GATAD2A: variants seen among roughly 807,000 people sequenced by gnomAD.
GATAD2A encodes transcriptional repressor p66-alpha.
A neutral mutation model predicts 68.5 loss-of-function variants in GATAD2A; 12 were observed. The ratio of observed to expected loss-of-function variants is 0.18; its 90% CI spans 0.11 to 0.28. The LOEUF is 0.28. GATAD2A is among the 10% of genes least tolerant of loss of function. The pLI, the probability that GATAD2A is intolerant of heterozygous loss-of-function variation, is 1.00. For synonymous variants in GATAD2A, 410 were observed against 375.3 expected (o/e 1.09, Z -1.07); for missense variants, 755 against 868.5 (o/e 0.87, Z 1.64).
At chr19:19,473,631 G>A (rs1041234782) in intron 2 of GATAD2A, among the ~76,000 whole-genome samples, 6 of 152,052 alleles carry the variant, frequency 3.9e-5, no homozygotes, top group African/African-American at 1.2e-4. Context: ...GTGAGCATGC[G>A]TGCCCATCAT....
At chr19:19,484,623 C>G (rs549050382) in intron 2 of GATAD2A, among the ~76,000 whole-genome samples, 1 of 151,062 alleles carries the variant, frequency 6.6e-6, no homozygotes, top group Non-Finnish European at 1.5e-5. Flanking sequence ...GGCTCTGCCC[C>G]CCGGGGTTCA....
intron 4 of GATAD2A, among the ~76,000 whole-genome samples, chr19:19,493,550 G>A (rs1056778229): frequency 6.6e-6 from 1 of 152,204 alleles, no homozygotes; most frequent in Non-Finnish European, 1.5e-5. Flanking sequence ...GCGAGGTTAA[G>A]TTTATTTTGT....
intron 1 of GATAD2A, among the ~76,000 whole-genome samples, chr19:19,446,462 A>G (rs1600146613): frequency 6.8e-6 from 1 of 147,390 alleles, no homozygotes; most frequent in African/African-American, 2.5e-5. Context: ...ATTTGCTATA[A>G]TTTTTTCCCA....
intron 4 of GATAD2A, among the ~76,000 whole-genome samples, chr19:19,493,956 C>T (rs1019276905): frequency 2.0e-5 from 3 of 152,102 alleles, no homozygotes; most frequent in Non-Finnish European, 4.4e-5. Flanking sequence ...GGCCATGGGT[C>T]CTTTGCCTCA....
chr19:19,463,301 G>A (rs1600196211), intron 1 of GATAD2A, among the ~76,000 whole-genome samples: 1 of 152,346 alleles, frequency 6.6e-6, no homozygotes, highest in African/African-American at 2.4e-5. Context: ...TGGGAGGCAA[G>A]ACAGACAACC....
At chr19:19,390,124 C>T (rs765167187) in intron 1 of GATAD2A, among the ~76,000 whole-genome samples, 4 of 152,192 alleles carry the variant, frequency 2.6e-5, no homozygotes, top group Non-Finnish European at 4.4e-5. Flanking sequence ...GAATGGACAA[C>T]TTTGAAGTCA....
chr19:19,423,007 G>A (rs1055211347), intron 1 of GATAD2A, among the ~76,000 whole-genome samples: 3 of 151,992 alleles, frequency 2.0e-5, no homozygotes, highest in Admixed American at 6.6e-5. Context: ...CACTGCGCCC[G>A]GCCTTTTGTT....
chr19:19,466,074 GCGGGTA>G (rs1269571772), intron 2 of GATAD2A, among the ~76,000 whole-genome samples: 1 of 152,244 alleles, frequency 6.6e-6, no homozygotes, highest in African/African-American at 2.4e-5. Context: ...CCTCCTCGGA[GCGGGTA>G]CGGGATGCTC....
upstream of GATAD2A, among the ~76,000 whole-genome samples, chr19:19,404,449 T>C (rs2050010064): frequency 6.6e-6 from 1 of 151,956 alleles, no homozygotes; most frequent in Non-Finnish European, 1.5e-5. Flanking sequence ...GGGAGGCCGA[T>C]GCGAACAGAT....
At chr19:19,394,879 G>A (rs2049109976) in intron 1 of GATAD2A, among the ~76,000 whole-genome samples, 1 of 152,222 alleles carries the variant, frequency 6.6e-6, no homozygotes, top group South Asian at 2.1e-4. Context: ...GGAGAGCAAG[G>A]CGGGATATTC....
intron 2 of GATAD2A, among the ~76,000 whole-genome samples, chr19:19,486,766 C>T (rs1047126625): frequency 6.6e-6 from 1 of 152,192 alleles, no homozygotes; most frequent in Non-Finnish European, 1.5e-5. Flanking sequence ...TGCAGCCAGC[C>T]GGCTGTCTAA....
At chr19:19,414,837 C>CTT (rs56353005) in intron 1 of GATAD2A, among the ~76,000 whole-genome samples, 74 of 74,690 alleles carry the variant, frequency 9.9e-4, no homozygotes, top group Middle Eastern at 9.4e-3. Context: ...ACCCTGCCCC[C>CTT]TTTTTTTTTT....
intron 1 of GATAD2A, among the ~76,000 whole-genome samples, chr19:19,443,834 G>A (rs1175606068): frequency 1.3e-5 from 2 of 151,938 alleles, no homozygotes; most frequent in African/African-American, 4.8e-5. Context: ...AGGCCACTTG[G>A]GGGTAGTTTA....
chr19:19,445,752 C>G (rs1293892889), intron 1 of GATAD2A, among the ~76,000 whole-genome samples: 1 of 152,176 alleles, frequency 6.6e-6, no homozygotes, highest in Non-Finnish European at 1.5e-5. Flanking sequence ...GAGTTTCATT[C>G]CTTTTTATGG....
chr19:19,393,495 A>T (rs1189673657), intron 1 of GATAD2A, among the ~76,000 whole-genome samples: 1 of 152,216 alleles, frequency 6.6e-6, no homozygotes, highest in Non-Finnish European at 1.5e-5. Flanking sequence ...CATGCCTAAG[A>T]TAAAACATTT....
At chr19:19,433,584 TC>T (rs1168527270) in intron 1 of GATAD2A, among the ~76,000 whole-genome samples, 6 of 152,214 alleles carry the variant, frequency 3.9e-5, no homozygotes, top group Admixed American at 3.9e-4. Context: ...ACTTCAGTTT[TC>T]TTTTTTTTTG....
chr19:19,446,606 C>T (rs1285439159), intron 1 of GATAD2A, among the ~76,000 whole-genome samples: 1 of 152,074 alleles, frequency 6.6e-6, no homozygotes, highest in Non-Finnish European at 1.5e-5. Context: ...AACACCAAGT[C>T]ATGACATTTT....
chr19:19,419,213 T>C (rs1388342686), intron 1 of GATAD2A, among the ~76,000 whole-genome samples: 2 of 152,222 alleles, frequency 1.3e-5, no homozygotes, highest in Non-Finnish European at 2.9e-5. Flanking sequence ...TGTGGTGCCC[T>C]AAGCATGTAG....
chr19:19,450,849 C>T (rs1568297388), intron 1 of GATAD2A, among the ~76,000 whole-genome samples: 1 of 151,460 alleles, frequency 6.6e-6, no homozygotes, highest in Non-Finnish European at 1.5e-5. Context: ...CGGCTCACTA[C>T]AACCTCCGCC....
Sources: gnomAD v4.1 joint callset for allele counts (sites outside exome capture counted in the v4.1 genomes callset) on GRCh38, gnomAD v4.1.1 for gene constraint, MANE v1.5 for transcripts, NCBI Gene and HGNC (gene_info 2026-07-23, HGNC 2026-07-21) for gene names.